Variants in PLB1 observed in about 807,000 individuals in gnomAD.
The protein encoded by PLB1 is phospholipase B1, also known as phospholipase B1, membrane-associated.
A neutral mutation model predicts 227.4 loss-of-function variants in PLB1; 242 were observed. The ratio of observed to expected loss-of-function variants is 1.06; its 90% CI spans 0.96 to 1.18. PLB1 has a LOEUF of 1.18. PLB1 is among the 50% of genes most tolerant of loss of function. The probability of loss-of-function intolerance (pLI) is 0.00; values close to 1 mark genes in which losing one functional copy is unlikely to be tolerated. For missense variants in PLB1, 1,858 were observed against 1,816.3 expected (o/e 1.02, Z -0.42); for synonymous variants, 757 against 682.2 (o/e 1.11, Z -1.71).
At position 28,529,343 on chromosome 2, in the gene PLB1, A is replaced by G. The variant is rs918950177; in HGVS notation, c.352A>G (p.Ser118Gly). The change falls in exon 7 of 58, where the codon AGT becomes GGT. Residue 118 changes from serine (S) to glycine (G), a missense_variant. Ser to Gly is a moderately conservative substitution (Grantham distance 56, BLOSUM62 0). Coordinates refer to ENST00000327757, the MANE Select transcript of PLB1 (RefSeq NM_153021.5). ...TVLSDIIRYF[S>G]PSVPMPVCHT... is the part of the protein sequence containing the mutation. ...CCTTTCAGACATCATCAGATATTTC[A>G]GTCCTTCTGTTCCAATGCCTGTGTG... The G allele has an allele frequency of 1.2e-6, 2 of 1,611,354 alleles. No individual in the cohort carries two copies. Among genetic ancestry groups the G allele is most frequent in the Non-Finnish European group, 8.5e-7 (1 of 1,177,512 alleles).
intron 2 of PLB1, 146 bp downstream of exon 2, chr2:28,517,015 C>G (rs997723097): frequency 5.3e-6 from 4 of 752,724 alleles, no homozygotes; most frequent in African/African-American, 5.3e-5. Flanking sequence ...CCGCTTCCCC[C>G]ATGGACAGCC....
At chr2:28,569,782 C>T (rs7561040) in intron 20 of PLB1, among the ~76,000 whole-genome samples, 94,538 of 151,302 alleles carry the variant, frequency 0.62, 31,977 homozygotes, top group Non-Finnish European at 0.78. Flanking sequence ...CTAGCTAACA[C>T]GGTGAAACCC....
chr2:28,548,573 A>G, intron 14 of PLB1: 1 of 479,494 alleles, frequency 2.1e-6, no homozygotes, highest in Non-Finnish European at 4.1e-6. Flanking sequence ...GAGGTAGACT[A>G]GGAAGTCCCT....
At chr2:28,559,828 T>C (rs1425488231) in intron 17 of PLB1, among the ~76,000 whole-genome samples, 1 of 132,094 alleles carries the variant, frequency 7.6e-6, no homozygotes, top group Non-Finnish European at 1.6e-5. Flanking sequence ...CTCGGCTCAC[T>C]GCAGCCTCCT....
intron 56 of PLB1, among the ~76,000 whole-genome samples, chr2:28,634,832 G>A (rs1226930569): frequency 6.6e-6 from 1 of 151,996 alleles, no homozygotes; most frequent in Non-Finnish European, 1.5e-5. Flanking sequence ...GATCACTTGA[G>A]CATGGGAGGT....
intron 1 of PLB1, among the ~76,000 whole-genome samples, chr2:28,498,322 C>T (rs1572595711): frequency 1.3e-5 from 2 of 151,810 alleles, no homozygotes; most frequent in South Asian, 2.1e-4. Flanking sequence ...CTCCCAGGCT[C>T]AAGTAATCCT....
intron 17 of PLB1, among the ~76,000 whole-genome samples, chr2:28,560,039 G>A (rs1030395279): frequency 1.3e-5 from 2 of 151,980 alleles, no homozygotes; most frequent in African/African-American, 4.8e-5. Flanking sequence ...ATCTGGTCAC[G>A]CTACAGGCTT....
intron 1 of PLB1, among the ~76,000 whole-genome samples, chr2:28,510,622 TC>T (rs1558640212): frequency 1.5e-4 from 9 of 58,452 alleles, no homozygotes; most frequent in East Asian, 4.6e-4. Context: ...TCTTTTTCTC[TC>T]TCTTTTTTTT....
At chr2:28,498,305 C>T (rs1176630331) in intron 1 of PLB1, among the ~76,000 whole-genome samples, 1 of 151,676 alleles carries the variant, frequency 6.6e-6, no homozygotes. Context: ...CTTATTGTAG[C>T]TTCAACCTCC....
chr2:28,574,879 G>A lies in PLB1; in HGVS notation c.1433+1574G>A, dbSNP rs192826775. ...TTTTTATGGCTGAGTAGTATTCCATGGTGTATATATACCACATTTTTTTAT... is the reference window on the plus strand; with the variant it reads ...TTTTTATGGCTGAGTAGTATTCCATAGTGTATATATACCACATTTTTTTAT... On this transcript the variant is annotated intron_variant, in intron 21 of 57. Coordinates refer to ENST00000327757, the MANE Select transcript of PLB1 (RefSeq NM_153021.5). 1.1e-3 allele frequency among the ~76,000 whole-genome samples: 172 copies of A among 152,194 alleles called. 2 individuals carry two copies. The highest frequency in any genetic ancestry group is 4.0e-4 in the Non-Finnish European group (27 of 68,018).
At chr2:28,590,131 A>C in intron 29 of PLB1, 55 bp downstream of exon 29, 3 of 1,454,754 alleles carry the variant, frequency 2.1e-6, no homozygotes, top group Non-Finnish European at 2.9e-6. Context: ...TTCTTGGCTC[A>C]TTTCATCCTA....
Position 28,602,868 on chromosome 2 carries a change from C to G in PLB1, c.2721C>G (p.Ile907Met), listed in dbSNP as rs1317903925. 3.7e-6 allele frequency: 6 copies of G among 1,614,202 alleles called. No individual in the cohort carries two copies. In the East Asian group the frequency reaches 6.7e-5, roughly 18 times the overall value. ...TCGTGGACTTCCTGAACCCCACTAT[C>G]ATGCGGCAGGTGTTCCTGGGAAACC... Reference protein sequence around the residue: ...VNLVDFLNPTIMRQVFLGNPD... With the variant: ...VNLVDFLNPTMMRQVFLGNPD... Residue 907 changes from isoleucine to methionine, a missense_variant, in exon 39 of 58, where the codon ATC becomes ATG. Coordinates refer to ENST00000327757, the MANE Select transcript of PLB1 (RefSeq NM_153021.5).
intron 17 of PLB1, among the ~76,000 whole-genome samples, chr2:28,557,685 T>C (rs1232939737): frequency 6.6e-6 from 1 of 152,194 alleles, no homozygotes; most frequent in East Asian, 1.9e-4. Context: ...GAGTTAATGA[T>C]GTGTTTATCA....
At chr2:28,612,696 C>T (rs1300505122) in intron 43 of PLB1, among the ~76,000 whole-genome samples, 2 of 151,040 alleles carry the variant, frequency 1.3e-5, no homozygotes, top group African/African-American at 4.9e-5. Context: ...GCAACCCCTG[C>T]CTCCCAGGTT....
At chr2:28,572,365 G>A (rs1389621615) in intron 20 of PLB1, among the ~76,000 whole-genome samples, 1 of 152,138 alleles carries the variant, frequency 6.6e-6, no homozygotes, top group African/African-American at 2.4e-5. Flanking sequence ...GGTTAAACAG[G>A]GTGAGGGTTA....
chr2:28,628,924 C>A (rs536184354), intron 52 of PLB1, among the ~76,000 whole-genome samples, 170 bp from the exon 53 acceptor site: 1 of 152,288 alleles, frequency 6.6e-6, no homozygotes, highest in African/African-American at 2.4e-5. Context: ...ACCTATAAAG[C>A]GGGGCCACTC....
chr2:28,552,875 T>C, intron 16 of PLB1, 53 bp from the exon 17 acceptor site: 2 of 1,504,330 alleles, frequency 1.3e-6, no homozygotes, highest in East Asian at 2.3e-5. Flanking sequence ...TTCTCACCCA[T>C]TTCCAGTTTA....
chr2:28,597,195 C>T lies in PLB1; in HGVS notation c.2322-810C>T, dbSNP rs543618580. ...AGGAGAATGGCATGAACCCGGGAGGCGGAGCTTGCATTGAGTGGAGATCAC... is the reference window on the plus strand; with the variant it reads ...AGGAGAATGGCATGAACCCGGGAGGTGGAGCTTGCATTGAGTGGAGATCAC... On this transcript the variant is annotated intron_variant, in intron 33 of 57. Transcript: ENST00000327757. Among the ~76,000 whole-genome samples the T allele has an allele frequency of 6.9e-5, 10 of 145,444 alleles. No homozygotes were observed. In the South Asian group the frequency reaches 1.3e-3, roughly 19 times the overall value.
At chr2:28,611,033 A>G (rs949434246) in intron 43 of PLB1, among the ~76,000 whole-genome samples, 6 of 151,982 alleles carry the variant, frequency 3.9e-5, no homozygotes, top group African/African-American at 4.8e-5. Context: ...TGGTCAATAA[A>G]CCCAGCTAAA....
Sources: gnomAD v4.1 joint callset for allele counts (sites outside exome capture counted in the v4.1 genomes callset) on GRCh38, gnomAD v4.1.1 for gene constraint, MANE v1.5 for transcripts, NCBI Gene and HGNC (gene_info 2026-07-23, HGNC 2026-07-21) for gene names.